The following UNC13D variants were observed in gnomAD, a reference collection of about 807,000 sequenced individuals.
UNC13D encodes protein unc-13 homolog D.
A neutral mutation model predicts 151.7 loss-of-function variants in UNC13D; 115 were observed. The observed-to-expected ratio is 0.76, with a 90% confidence interval of 0.65 to 0.88. The LOEUF (loss-of-function observed/expected upper bound fraction) is 0.88, where lower values mean the gene tolerates loss of function less well. Among genes scored for constraint, UNC13D ranks in the 40% least tolerant of loss-of-function variants. The probability of loss-of-function intolerance (pLI) is 0.00; values close to 1 mark genes in which losing one functional copy is unlikely to be tolerated. For missense variants in UNC13D, 1,369 were observed against 1,438.7 expected (o/e 0.95, Z 0.78); for synonymous variants, 588 against 612.2 (o/e 0.96, Z 0.58).
At chr17:75,829,872 C>A in intron 30 of UNC13D, 156 bp downstream of exon 30, 1 of 1,195,566 alleles carries the variant, frequency 8.4e-7, no homozygotes, top group Non-Finnish European at 1.2e-6. Context: ...GCCACCACAT[C>A]CAGCTGCAAA....
intron 29 of UNC13D, 91 bp from the exon 30 acceptor site, chr17:75,830,242 C>T: frequency 6.4e-7 from 1 of 1,554,692 alleles, no homozygotes; most frequent in Admixed American, 1.9e-5. Flanking sequence ...ACTGACCCCT[C>T]CTGGTAACTG....
rs1430180355 is a variant in UNC13D, at chr17:75,842,746, G to A, written c.388+111C>T. 7 of 1,587,280 alleles carry A rather than the reference G, an allele frequency of 4.4e-6. No individual in the cohort carries two copies. The South Asian group carries it at 5.5e-5, about 13-fold the overall frequency. On this transcript the variant is annotated intron_variant, in intron 5 of 31. Transcript: ENST00000207549. ...GGGACCAGCAGCATGGGGGGCCAGC[G>A]CTACAGGGCTTCTTGGAAGTGGGTG...
In UNC13D at chr17:75,831,149, G is replaced by A. The variant is rs17496835; in HGVS notation, c.2574C>T (p.His858=). 20 of 1,613,926 alleles carry A rather than the reference G, an allele frequency of 1.2e-5. No individual in the cohort carries two copies. Among genetic ancestry groups the A allele is most frequent in the East Asian group, 2.2e-5 (1 of 44,884 alleles). Residue 858 remains histidine, a synonymous_variant, in exon 27 of 32, where the codon CAC becomes CAT. Coordinates refer to ENST00000207549, the MANE Select transcript of UNC13D (RefSeq NM_199242.3). ...IALQNLEICF[H]AEGCGLPPKA... ...TGGGTGGCAGGCCACAGCCCTCAGC[G>A]TGGAAGCAGATCTCCAGGTTCTGGG...
In UNC13D at chr17:75,843,083, A is replaced by G; in HGVS notation, c.262-10T>C. The G allele has an allele frequency of 8.1e-7, 1 of 1,241,646 alleles. No homozygotes were observed. Among genetic ancestry groups the G allele is most frequent in the Non-Finnish European group, 1.1e-6 (1 of 899,668 alleles). The allele number at this position is 1,241,646 out of a possible 1,614,324, so 76.9% of individuals were successfully genotyped here. A position where few individuals can be genotyped will look rare whatever the true frequency, so the allele number is the denominator to read the frequency against. On this transcript the variant is annotated splice_polypyrimidine_tract_variant and intron_variant, in intron 3 of 31. Transcript: ENST00000207549. ...GCTCCACGTGGAAGGCCTGGTGGGG[A>G]GGCAGGCGGGTGGGTGGCTGGGGGC...
rs748471717 is a variant in UNC13D at position 75,827,920 on chromosome 17, T to C, written c.*45A>G. 15 of 1,599,016 alleles carry C rather than the reference T, an allele frequency of 9.4e-6. No homozygotes were observed. Among genetic ancestry groups the C allele is most frequent in the Non-Finnish European group, 1.0e-5 (12 of 1,175,252 alleles). On this transcript the variant is annotated 3_prime_UTR_variant, in exon 32 of 32. Coordinates refer to ENST00000207549, the MANE Select transcript of UNC13D (RefSeq NM_199242.3). ...GCCCCAGACCCTACAGGAAAGCCCT[T>C]GCAAGTCCCCACCGGGGACCCAGCC...
At chr17:75,831,038 T>C (rs1182247578) in intron 27 of UNC13D, 60 bp downstream of exon 27, 3 of 1,595,138 alleles carry the variant, frequency 1.9e-6, no homozygotes, top group Non-Finnish European at 1.7e-6. Context: ...TGGACATAGG[T>C]GAGTGCCAAA....
Position 75,830,590 on chromosome 17 carries a change from T to G in UNC13D, c.2697A>C (p.Arg899=). 1 of 1,561,242 alleles carries G rather than the reference T, an allele frequency of 6.4e-7. No homozygotes were observed. The highest frequency in any genetic ancestry group is 8.7e-7 in the Non-Finnish European group (1 of 1,152,746). The stretch of plus-strand genomic sequence containing the variant: ...GGAGGGGCCTCACCTGCTGCTGGAT[T>G]CGGCTGCAGAAGTACTTCCGGATGA... ...RELIRKYFCS[R]IQQQAETTSE... is the part of the protein sequence containing the mutation. The change falls in exon 28 of 32, where the codon CGA becomes CGC. Residue 899 remains arginine (R), a synonymous_variant. Coordinates refer to ENST00000207549, the MANE Select transcript of UNC13D (RefSeq NM_199242.3).
rs2064971801 is a variant in UNC13D, at chr17:75,844,373, T to C, written c.-36A>G. On this transcript the variant is annotated 5_prime_UTR_variant, in exon 1 of 32. Coordinates refer to ENST00000207549, the MANE Select transcript of UNC13D (RefSeq NM_199242.3). ...TCTGCCCTTCCCTGTCCGCTGGTGCTGGGTGAAGACAGCGAAGCCACAGGA... is the reference window on the plus strand; with the variant it reads ...TCTGCCCTTCCCTGTCCGCTGGTGCCGGGTGAAGACAGCGAAGCCACAGGA... 6.3e-7 allele frequency: 1 copy of C among 1,581,688 alleles called. No individual in the cohort carries two copies. The highest frequency in any genetic ancestry group is 8.6e-7 in the Non-Finnish European group (1 of 1,164,280).
In UNC13D at chr17:75,833,101, A is replaced by G. The variant is rs1285866063; in HGVS notation, c.2368-56T>C. 1.3e-6 allele frequency: 2 copies of G among 1,522,804 alleles called. No individual in the cohort carries two copies. Among genetic ancestry groups the G allele is most frequent in the Non-Finnish European group, 1.8e-6 (2 of 1,120,140 alleles). 94.3% of individuals were successfully genotyped at this position (1,522,804 alleles called of 1,614,324 possible). A position where few individuals can be genotyped will look rare whatever the true frequency, so the allele number is the denominator to read the frequency against. On this transcript the variant is annotated intron_variant, in intron 24 of 31. Coordinates refer to ENST00000207549, the MANE Select transcript of UNC13D (RefSeq NM_199242.3). The surrounding 1 kb of genome is among the most constrained non-coding windows in gnomAD (Gnocchi z 4.0). ...TCCGGCCCATGTTGGCCCCACCCCC[A>G]TCCCCTTCCCCTGACCTGGAGGGAG...
Position 75,836,629 on chromosome 17 carries a change from C to A in UNC13D, c.1241G>T (p.Arg414Leu), listed in dbSNP as rs768171054. 6 of 1,613,618 alleles carry A rather than the reference C, an allele frequency of 3.7e-6. No individual in the cohort carries two copies. The East Asian group carries it at 6.7e-5, about 18-fold the overall frequency. Residue 414 changes from arginine (R) to leucine (L), a missense_variant, in exon 14 of 32, where the codon CGC (arginine) becomes CTC (leucine). Coordinates refer to ENST00000207549, the MANE Select transcript of UNC13D (RefSeq NM_199242.3). ...CGAGACAGAGAGGGGGAAGACAGAG[C>A]GGAACCTCCGGATGAGGGAGAGGCC... is the stretch of plus-strand genomic sequence containing the variant. The part of the protein sequence containing the change: ...TYGLSLIRRF[R>L]SVFPLSVSDS...
chr17:75,838,584 G>A (rs1401078550), intron 12 of UNC13D, among the ~76,000 whole-genome samples: 5 of 152,074 alleles, frequency 3.3e-5, no homozygotes, highest in Non-Finnish European at 5.9e-5. Flanking sequence ...TGCCCTCCCC[G>A]GCATTCCTAG....
chr17:75,838,478 C>A (rs528815401), intron 12 of UNC13D, among the ~76,000 whole-genome samples: 2 of 152,092 alleles, frequency 1.3e-5, no homozygotes, highest in Admixed American at 6.5e-5. Flanking sequence ...CTCGGCCTCC[C>A]AAAGTGCTGG....
intron 24 of UNC13D, 30 bp downstream of exon 24, chr17:75,834,045 T>C: frequency 6.2e-7 from 1 of 1,612,884 alleles, no homozygotes; most frequent in Non-Finnish European, 8.5e-7. Flanking sequence ...GGCAGGGTGG[T>C]GAAGGCCAGC....
chr17:75,840,893 G>T lies in UNC13D; in HGVS notation c.615-63C>A, dbSNP rs6501838. ...TGCCTACGACCTCTTCCAGGAGGAG[G>T]TTCCGCCTCTCTCACCCCAGATCCC... On this transcript the variant is annotated intron_variant, in intron 7 of 31. Transcript: ENST00000207549. This position sits in a 1 kb window ranked among gnomAD's most constrained non-coding sequence, Gnocchi z 4.6. The T allele has an allele frequency of 7.0e-3, 11,280 of 1,613,854 alleles. 315 individuals carry two copies. The African/African-American group carries it at 0.078, about 11-fold the overall frequency.
At chr17:75,831,773 C>A in intron 25 of UNC13D, 1 of 195,100 alleles carries the variant, frequency 5.1e-6, no homozygotes, top group Non-Finnish European at 1.1e-5. Flanking sequence ...CCATCCTGGC[C>A]AACATGGTGA....
intron 30 of UNC13D, 74 bp downstream of exon 30, chr17:75,829,954 G>A (rs760819177): frequency 1.7e-5 from 27 of 1,551,606 alleles, no homozygotes; most frequent in Non-Finnish European, 2.2e-5. Context: ...GCCCCAGCCA[G>A]GAGGAGCAGG....
At position 75,839,489 on chromosome 17, in the gene UNC13D, T is replaced by C. The variant is rs367970594; in HGVS notation, c.1055+350A>G. Among the ~76,000 whole-genome samples the C allele has an allele frequency of 7.2e-5, 11 of 151,910 alleles. No homozygotes were observed. In the East Asian group the frequency reaches 1.4e-3, roughly 19 times the overall value. ...CATGAGAAGCTGGAGATCTGGATGG[T>C]ATGTCAAATCTCCAGATAGCTTTTT... On this transcript the variant is annotated intron_variant, in intron 12 of 31. Transcript: ENST00000207549.
chr17:75,838,826 C>A (rs138548751), intron 12 of UNC13D, among the ~76,000 whole-genome samples: 1 of 152,190 alleles, frequency 6.6e-6, no homozygotes, highest in African/African-American at 2.4e-5. Context: ...AAAGGCTGGG[C>A]GCGGTGGCAC....
At position 75,841,788 on chromosome 17, in the gene UNC13D, C is replaced by T. The variant is rs1469807851; in HGVS notation, c.569+645G>A. Among the ~76,000 whole-genome samples the T allele has an allele frequency of 3.5e-5, 5 of 142,240 alleles. No individual in the cohort carries two copies. The East Asian group carries it at 6.3e-4, about 18-fold the overall frequency. 93.3% of individuals were successfully genotyped at this position (142,240 alleles called of 152,430 possible). A position where few individuals can be genotyped will look rare whatever the true frequency, so the allele number is the denominator to read the frequency against. ...TTTTTGAGACAGAGTGTCGCTCTGT[C>T]ACCAGGCTGGAGTGCAGTGGTGCTA... On this transcript the variant is annotated intron_variant, in intron 6 of 31. Coordinates refer to ENST00000207549, the MANE Select transcript of UNC13D (RefSeq NM_199242.3).
Sources: gnomAD v4.1 joint callset for allele counts (sites outside exome capture counted in the v4.1 genomes callset) on GRCh38, gnomAD v4.1.1 for gene constraint, Gnocchi (gnomAD v3.1) non-coding constraint, MANE v1.5 for transcripts, NCBI Gene and HGNC (gene_info 2026-07-23, HGNC 2026-07-21) for gene names.